The following PCNX4 variants were observed in gnomAD, a reference collection of about 807,000 sequenced individuals.
The protein encoded by PCNX4 is pecanex 4, also known as pecanex-like protein 4.
In PCNX4, 103 loss-of-function variants were observed where a neutral mutation model predicts 107.2. That is an observed-to-expected ratio of 0.96 (90% CI 0.82 to 1.13). The LOEUF (loss-of-function observed/expected upper bound fraction) is 1.13, where lower values mean the gene tolerates loss of function less well. Among genes scored for constraint, PCNX4 ranks in the 50% most tolerant of loss-of-function variants. PCNX4 has a pLI of 0.00. For synonymous variants in PCNX4, 541 were observed against 481.7 expected (o/e 1.12, Z -1.61); for missense variants, 1,528 against 1,379.4 (o/e 1.11, Z -1.71).
Position 60,104,318 on chromosome 14 carries a change from C to CA in PCNX4, c.-53-3239dup, listed in dbSNP as rs200434027. ...TGGGTGACAGAGCAAGACTCCATCT[C>CA]AAAAAAAAAAAAAAAAAAAAAAAAA... On this transcript the variant is annotated intron_variant, in intron 1 of 10. Transcript: ENST00000406854. Among the ~76,000 whole-genome samples, 299 of 129,474 alleles carry CA rather than the reference C, an allele frequency of 2.3e-3. 15 individuals carry two copies. The highest frequency in any genetic ancestry group is 7.4e-3 in the East Asian group (32 of 4,332). 84.9% of individuals were successfully genotyped at this position (129,474 alleles called of 152,430 possible).
chr14:60,121,157 T>C, intron 7 of PCNX4, 39 bp from the exon 8 acceptor site: 1 of 1,547,632 alleles, frequency 6.5e-7, no homozygotes, highest in Non-Finnish European at 8.6e-7. Flanking sequence ...TTGAAAATGA[T>C]TTTCTTTTTT....
intron 1 of PCNX4, among the ~76,000 whole-genome samples, chr14:60,092,900 C>T (rs1198423452): frequency 6.6e-6 from 1 of 152,170 alleles, no homozygotes; most frequent in Non-Finnish European, 1.5e-5. Context: ...TTTTCCATGC[C>T]GCTGAATTGG....
chr14:60,115,914 T>A (rs1239637923), intron 5 of PCNX4, 27 bp from the exon 6 acceptor site: 2 of 1,596,732 alleles, frequency 1.3e-6, no homozygotes, highest in South Asian at 2.3e-5. Context: ...TTCTACCTGA[T>A]AAAAATGGAT....
chr14:60,093,854 T>C (rs73308194), intron 1 of PCNX4, among the ~76,000 whole-genome samples: 27 of 152,364 alleles, frequency 1.8e-4, no homozygotes, highest in African/African-American at 6.0e-4. Context: ...TGAATACTTA[T>C]TATTGTCTGC....
intron 1 of PCNX4, among the ~76,000 whole-genome samples, chr14:60,094,566 C>T (rs1312252211): frequency 2.0e-5 from 3 of 152,098 alleles, no homozygotes; most frequent in Non-Finnish European, 4.4e-5. Context: ...CCTATCATAC[C>T]CTGCAACTGG....
chr14:60,116,152 C>A, intron 6 of PCNX4, 92 bp downstream of exon 6: 2 of 1,156,138 alleles, frequency 1.7e-6, no homozygotes, highest in Non-Finnish European at 2.4e-6. Flanking sequence ...TTGTAGTCAT[C>A]ACCACAATCT....
rs367684975 is a variant in PCNX4 at position 60,118,559 on chromosome 14, T to C, written c.1809T>C (p.Phe603=). ...LFTLPVFLVG[F]PRPIQSWPGA... ...CCCTTCCTGTGTTCTTGGTGGGGTT[T>C]CCCCGACCTATTCAGAGTTGGCCAG... is the stretch of plus-strand genomic sequence containing the variant. The change falls in exon 7 of 11, where the codon TTT becomes TTC. Residue 603 remains phenylalanine (F), a synonymous_variant. Transcript: ENST00000406854. The C allele has an allele frequency of 1.1e-5, 17 of 1,613,870 alleles. No individual in the cohort carries two copies. The highest frequency in any genetic ancestry group is 5.0e-5 in the Admixed American group (3 of 59,932).
intron 10 of PCNX4, among the ~76,000 whole-genome samples, chr14:60,129,731 C>A (rs1347718227): frequency 6.6e-6 from 1 of 151,984 alleles, no homozygotes; most frequent in East Asian, 1.9e-4. Context: ...GGAACTAGAA[C>A]GTTGTAAGAG....
At chr14:60,104,621 C>A (rs1895596572) in intron 1 of PCNX4, among the ~76,000 whole-genome samples, 1 of 152,140 alleles carries the variant, frequency 6.6e-6, no homozygotes, top group South Asian at 2.1e-4. Context: ...GAGGAGGCCT[C>A]ATGATCATGG....
intron 1 of PCNX4, among the ~76,000 whole-genome samples, chr14:60,105,833 G>A (rs1464794815): frequency 1.3e-5 from 2 of 152,152 alleles, no homozygotes; most frequent in African/African-American, 4.8e-5. Context: ...TCTCAGTAGA[G>A]CCAGAAGGGC....
In PCNX4 at chr14:60,135,092, G is replaced by A. The variant is rs186854168; in HGVS notation, c.*871G>A. 6.6e-6 allele frequency: 1 copy of A among 152,234 alleles called. No individual in the cohort carries two copies. Among genetic ancestry groups the A allele is most frequent in the East Asian group, 1.9e-4 (1 of 5,192 alleles). The allele number at this position is 152,234 out of a possible 1,614,324, so 9.4% of individuals were successfully genotyped here. A position where few individuals can be genotyped will look rare whatever the true frequency, so the allele number is the denominator to read the frequency against. ...TTTATTTTCATTCTCTTCTTGCTTA[G>A]GAACGTTTTACAGATACATGTAAGG... On this transcript the variant is annotated 3_prime_UTR_variant, in exon 11 of 11. Transcript: ENST00000406854.
chr14:60,126,780 A>G (rs1260694603), intron 10 of PCNX4, among the ~76,000 whole-genome samples: 3 of 152,140 alleles, frequency 2.0e-5, no homozygotes, highest in Admixed American at 6.6e-5. Context: ...GGCCAACCGC[A>G]CTTACGGGAT....
At position 60,134,052 on chromosome 14, in the gene PCNX4, A is replaced by T; in HGVS notation, c.3350A>T (p.Gln1117Leu). ...TTAAATCCTGAAGCTGTTAGAGGTC[A>T]GTGGGCCAATCTTTCATGGGAATTA... ...GKLNPEAVRGQWANLSWELLY... is the reference protein window; with the variant it reads ...GKLNPEAVRGLWANLSWELLY... Residue 1117 changes from glutamine to leucine, a missense_variant, in exon 11 of 11, where the codon CAG (glutamine) becomes CTG (leucine). Gln to Leu is a moderately radical substitution (Grantham distance 113). Coordinates refer to ENST00000406854, the MANE Select transcript of PCNX4 (RefSeq NM_001330177.2). The T allele has an allele frequency of 6.2e-7, 1 of 1,613,904 alleles. No individual in the cohort carries two copies. The highest frequency in any genetic ancestry group is 8.5e-7 in the Non-Finnish European group (1 of 1,179,796).
chr14:60,137,738 A>G lies in PCNX4; in HGVS notation c.*3517A>G, dbSNP rs999124367. ...GAATTTCAGCAGAAAATCAGAAACT[A>G]TATAGAAGAATCAATCAACAAGTCC... On this transcript the variant is annotated 3_prime_UTR_variant, in exon 11 of 11. Coordinates refer to ENST00000406854, the MANE Select transcript of PCNX4 (RefSeq NM_001330177.2). 1 of 152,180 alleles carries G rather than the reference A, an allele frequency of 6.6e-6. No homozygotes were observed. Among genetic ancestry groups the G allele is most frequent in the Non-Finnish European group, 1.5e-5 (1 of 68,036 alleles). The allele number at this position is 152,180 out of a possible 1,614,324, so 9.4% of individuals were successfully genotyped here.
intron 1 of PCNX4, among the ~76,000 whole-genome samples, chr14:60,095,251 T>A (rs1299912951): frequency 6.6e-6 from 1 of 152,158 alleles, no homozygotes; most frequent in African/African-American, 2.4e-5. Flanking sequence ...ATCTGCATTT[T>A]TTACATAAGA....
chr14:60,107,629 C>G lies in PCNX4; in HGVS notation c.-10C>G. The G allele has an allele frequency of 1.3e-6, 2 of 1,591,228 alleles. No individual in the cohort carries two copies. Among genetic ancestry groups the G allele is most frequent in the Non-Finnish European group, 8.6e-7 (1 of 1,167,630 alleles). ...AAAGCATGTGACTTTCAGAATAATC[C>G]CGAGTGAGGATGAGTCCAGATGTGC... On this transcript the variant is annotated 5_prime_UTR_variant, in exon 2 of 11. Coordinates refer to ENST00000406854, the MANE Select transcript of PCNX4 (RefSeq NM_001330177.2).
At chr14:60,094,767 C>CA (rs1047322617) in intron 1 of PCNX4, among the ~76,000 whole-genome samples, 2 of 119,438 alleles carry the variant, frequency 1.7e-5, no homozygotes, top group East Asian at 6.0e-4. Flanking sequence ...TAGAGCCCCC[C>CA]CCCACCCCCA....
rs1896237314 is a variant in PCNX4, at chr14:60,136,136, A to T, written c.*1915A>T. On this transcript the variant is annotated 3_prime_UTR_variant, in exon 11 of 11. Coordinates refer to ENST00000406854, the MANE Select transcript of PCNX4 (RefSeq NM_001330177.2). Reference sequence around the variant, plus strand: ...AAAAAAAAAAGTTTTTATTAAGGTCACTATTGACCTTTTTATTGTCAAACC... The same window carrying T: ...AAAAAAAAAAGTTTTTATTAAGGTCTCTATTGACCTTTTTATTGTCAAACC... 6.6e-6 allele frequency: 1 copy of T among 151,926 alleles called. No homozygotes were observed. Among genetic ancestry groups the T allele is most frequent in the South Asian group, 2.1e-4 (1 of 4,802 alleles). The allele number at this position is 151,926 out of a possible 1,614,324, so 9.4% of individuals were successfully genotyped here.
At chr14:60,128,827 C>A (rs530066741) in intron 10 of PCNX4, among the ~76,000 whole-genome samples, 1 of 152,244 alleles carries the variant, frequency 6.6e-6, no homozygotes, top group South Asian at 2.1e-4. Context: ...GCAGTAGGGG[C>A]AAAGCTGTAC....
Sources: gnomAD v4.1 joint callset for allele counts (sites outside exome capture counted in the v4.1 genomes callset) on GRCh38, gnomAD v4.1.1 for gene constraint, MANE v1.5 for transcripts, NCBI Gene and HGNC (gene_info 2026-07-23, HGNC 2026-07-21) for gene names.